CDHR2: variants seen among roughly 807,000 people sequenced by gnomAD.
CDHR2 encodes the protein cadherin related family member 2.
CDHR2 carries 104 observed loss-of-function variants against 138.6 expected under a neutral mutation model. The observed-to-expected ratio is 0.75, with a 90% CI of 0.64 to 0.88. The LOEUF is 0.88. Among genes scored for constraint, CDHR2 ranks in the 40% least tolerant of loss-of-function variants. The probability of loss-of-function intolerance (pLI) is 0.00; values close to 1 mark genes in which losing one functional copy is unlikely to be tolerated. For missense variants in CDHR2, 1,624 were observed against 1,727.6 expected (o/e 0.94, Z 1.06); for synonymous variants, 755 against 742.8 (o/e 1.02, Z -0.27).
At chr5:176,578,172 G>C in intron 15 of CDHR2, 77 bp downstream of exon 15, 1 of 1,411,414 alleles carries the variant, frequency 7.1e-7, no homozygotes, top group Non-Finnish European at 9.8e-7. Context: ...TGCAGAGATA[G>C]AATAGCTGGG....
intron 31 of CDHR2, 116 bp from the exon 32 acceptor site, chr5:176,595,416 G>A (rs959696124): frequency 1.3e-5 from 16 of 1,197,116 alleles, no homozygotes; most frequent in Middle Eastern, 2.9e-4. Context: ...GGGCAGGGTG[G>A]GACCCCTGCC....
chr5:176,566,397 C>A (rs1217481822), intron 3 of CDHR2, among the ~76,000 whole-genome samples: 1 of 152,154 alleles, frequency 6.6e-6, no homozygotes, highest in Non-Finnish European at 1.5e-5. Context: ...TTGGAAGGAG[C>A]CAGGGGGCCT....
chr5:176,552,828 A>G (rs1287312429), intron 1 of CDHR2, among the ~76,000 whole-genome samples: 3 of 152,214 alleles, frequency 2.0e-5, no homozygotes, highest in African/African-American at 7.2e-5. Flanking sequence ...TCTGCCGCTG[A>G]CAGCCTTGGA....
chr5:176,542,941 G>A (rs1757486267), intron 1 of CDHR2, among the ~76,000 whole-genome samples: 1 of 152,052 alleles, frequency 6.6e-6, no homozygotes, highest in Admixed American at 6.5e-5. Flanking sequence ...TCGCGGTGCC[G>A]GACGCCTGGG....
intron 1 of CDHR2, chr5:176,556,600 G>T (rs1757831342): frequency 6.6e-6 from 1 of 152,254 alleles, no homozygotes. Flanking sequence ...GGGAGGCGGA[G>T]CTTGCAGTGA....
rs201290215 is a variant in CDHR2, at chr5:176,576,178, C to T, written c.1187C>T (p.Pro396Leu). ...GACCTCACCATGGTGGTCTACGACC[C>T]GGACAAGGCAGGCGTGGTGGCGTGG... ...IDDLTMVVYD[P>L]DKGSNGTFLL... The change falls in exon 12 of 32, where the codon CCG (proline) becomes CTG (leucine). Residue 396 changes from proline (P) to leucine (L), a missense_variant. By Grantham distance (98) the Pro-to-Leu change is moderately conservative (BLOSUM62 -3). This residue lies in a region of CDHR2 where 1,061 missense variants were observed against 1,136.6 expected (regional missense o/e 0.93). Coordinates refer to ENST00000261944, the MANE Select transcript of CDHR2 (RefSeq NM_017675.6). This position sits in a 1 kb window ranked among gnomAD's most constrained non-coding sequence, Gnocchi z 4.5. 2.9e-5 allele frequency: 47 copies of T among 1,593,448 alleles called. No individual in the cohort carries two copies. Among genetic ancestry groups the T allele is most frequent in the East Asian group, 6.8e-5 (3 of 43,826 alleles).
chr5:176,565,636 GGTGTCCCGATGTTCCAGCACACT>G lies in CDHR2; in HGVS notation c.53-28_53-6del, dbSNP rs1256988967. ...GCAGGTAGGGATCGGGTTTTGCAGG[GGTGTCCCGATGTTCCAGCACACT>G]GTGTCCCTACAGTGGCAGCCAACGT... On this transcript the variant is annotated splice_polypyrimidine_tract_variant and intron_variant, in intron 2 of 31. Coordinates refer to ENST00000261944, the MANE Select transcript of CDHR2 (RefSeq NM_017675.6). 5.7e-6 allele frequency: 9 copies of G among 1,584,162 alleles called. No individual in the cohort carries two copies. The highest frequency in any genetic ancestry group is 2.7e-5 in the African/African-American group (2 of 74,232).
rs1011602553 is a variant in CDHR2, at chr5:176,543,479, G to C, written c.-16+710G>C. 1.3e-5 allele frequency: 2 copies of C among 152,082 alleles called. No homozygotes were observed. The highest frequency in any genetic ancestry group is 4.8e-5 in the African/African-American group (2 of 41,422). 9.4% of individuals were successfully genotyped at this position (152,082 alleles called of 1,614,324 possible). On this transcript the variant is annotated intron_variant, in intron 1 of 31. Coordinates refer to the CDHR2 transcript ENST00000510636. This position sits in a 1 kb window ranked among gnomAD's most constrained non-coding sequence, Gnocchi z 4.0. Reference sequence around the variant, plus strand: ...CCCGCCCCGGCCCCGCGCGAATGGAGCTGCCTGGACCGCACCACGCGTGCG... The same window carrying C: ...CCCGCCCCGGCCCCGCGCGAATGGACCTGCCTGGACCGCACCACGCGTGCG...
Position 176,584,276 on chromosome 5 carries a change from C to A in CDHR2, c.2128+17C>A, listed in dbSNP as rs745877505. On this transcript the variant is annotated intron_variant, in intron 18 of 31. Transcript: ENST00000261944. ...AGGATCCAGGTATGTGCTCCCTGGG[C>A]CAGGAGAGACACTGCGGCTGGGACC... The A allele has an allele frequency of 1.4e-4, 225 of 1,612,942 alleles. No homozygotes were observed. The highest frequency in any genetic ancestry group is 4.9e-4 in the Middle Eastern group (3 of 6,084).
At position 176,586,822 on chromosome 5, in the gene CDHR2, C is replaced by A. The variant is rs116138699; in HGVS notation, c.2836C>A (p.Arg946=). ...VIIPELVLPN[R]EVASVRARDD... ...CATCCCTGAACTCGTGCTGCCCAAC[C>A]GGGAGGTGGCTTCTGTCCGGGTAAG... The change falls in exon 21 of 32, where the codon CGG becomes AGG. Residue 946 remains arginine (R), a synonymous_variant. Coordinates refer to ENST00000261944, the MANE Select transcript of CDHR2 (RefSeq NM_017675.6). 1.6e-5 allele frequency: 26 copies of A among 1,609,942 alleles called. No homozygotes were observed. In the African/African-American group the frequency reaches 3.2e-4, roughly 20 times the overall value.
At position 176,594,738 on chromosome 5, in the gene CDHR2, C is replaced by T. The variant is rs571133229; in HGVS notation, c.3793-794C>T. Among the ~76,000 whole-genome samples the T allele has an allele frequency of 3.9e-5, 6 of 152,332 alleles. No homozygotes were observed. The South Asian group carries it at 1.2e-3, about 32-fold the overall frequency. On this transcript the variant is annotated intron_variant, in intron 31 of 31. Transcript: ENST00000261944. ...GAACAGCCCCAGTCTGGAAAAAGCCCTTGGAGTGCCCTGGGGAGGGCGGTG... is the reference window on the plus strand; with the variant it reads ...GAACAGCCCCAGTCTGGAAAAAGCCTTTGGAGTGCCCTGGGGAGGGCGGTG...
At chr5:176,571,618 G>C (rs1758233507) in intron 6 of CDHR2, among the ~76,000 whole-genome samples, 1 of 151,940 alleles carries the variant, frequency 6.6e-6, no homozygotes, top group Non-Finnish European at 1.5e-5. Flanking sequence ...CTCACTGCAA[G>C]CTCCGCCTCC....
intron 3 of CDHR2, 124 bp downstream of exon 3, chr5:176,565,867 GA>G (rs1758067678): frequency 4.3e-6 from 3 of 691,362 alleles, no homozygotes; most frequent in South Asian, 3.6e-5. Flanking sequence ...AAGAGGGACT[GA>G]AGGGAGCTCC....
chr5:176,586,906 T>G, intron 21 of CDHR2, 64 bp downstream of exon 21: 1 of 1,393,140 alleles, frequency 7.2e-7, no homozygotes, highest in Non-Finnish European at 1.0e-6. Flanking sequence ...GCTGAGGCCT[T>G]CAGGCCTTCC....
intron 19 of CDHR2, 24 bp downstream of exon 19, chr5:176,585,039 G>C: frequency 6.5e-7 from 1 of 1,528,762 alleles, no homozygotes; most frequent in Non-Finnish European, 8.8e-7. Flanking sequence ...TCCTTGCAGG[G>C]CTTGGCAGGC....
Position 176,577,771 on chromosome 5 carries a change from C to T in CDHR2, c.1485C>T (p.Thr495=), listed in dbSNP as rs371081759. 1.7e-5 allele frequency: 28 copies of T among 1,614,044 alleles called. No individual in the cohort carries two copies. Among genetic ancestry groups the T allele is most frequent in the African/African-American group, 9.3e-5 (7 of 74,930 alleles). Residue 495 remains threonine (T), a synonymous_variant, in exon 14 of 32, where the codon ACC becomes ACT. Coordinates refer to ENST00000261944, the MANE Select transcript of CDHR2 (RefSeq NM_017675.6). ...TCACGGTGCCAGAGCACAGCGCCACCGGCTCTGTGGTCACCGACAGCATCC... is the reference window on the plus strand; with the variant it reads ...TCACGGTGCCAGAGCACAGCGCCACTGGCTCTGTGGTCACCGACAGCATCC... The part of the protein sequence containing the change: ...YVLTVPEHSA[T]GSVVTDSIHA...
rs766088692 is a variant in CDHR2, at chr5:176,565,713, T to C, written c.94T>C (p.Ser32Pro). The C allele has an allele frequency of 1.2e-6, 2 of 1,613,948 alleles. No individual in the cohort carries two copies. The highest frequency in any genetic ancestry group is 1.1e-5 in the South Asian group (1 of 91,050). Residue 32 changes from serine to proline, a missense_variant, in exon 3 of 32, where the codon TCA becomes CCA. This residue lies in a region of CDHR2 where 1,061 missense variants were observed against 1,136.6 expected (regional missense o/e 0.93). Coordinates refer to ENST00000261944, the MANE Select transcript of CDHR2 (RefSeq NM_017675.6). Reference protein sequence around the residue: ...VAPKFLANMTSVILPEDLPVG... With the variant: ...VAPKFLANMTPVILPEDLPVG... ...CCCGAAGTTCCTAGCCAACATGACG[T>C]CAGTGATCCTGCCTGAGGACCTGCC...
chr5:176,571,933 C>T (rs548186521), intron 6 of CDHR2, among the ~76,000 whole-genome samples: 3 of 152,108 alleles, frequency 2.0e-5, no homozygotes, highest in Non-Finnish European at 4.4e-5. Flanking sequence ...CAAATCATAT[C>T]GTGAAATTTG....
At chr5:176,584,052 T>C in intron 17 of CDHR2, 138 bp from the exon 18 acceptor site, 2 of 732,904 alleles carry the variant, frequency 2.7e-6, no homozygotes, top group East Asian at 5.4e-5. Context: ...GCCTGTCTCC[T>C]CATCTGGGAA....
Sources: gnomAD v4.1 joint callset for allele counts (sites outside exome capture counted in the v4.1 genomes callset) on GRCh38, gnomAD v4.1.1 for gene constraint, gnomAD v4.1.1 regional missense constraint, Gnocchi (gnomAD v3.1) non-coding constraint, MANE v1.5 for transcripts, NCBI Gene and HGNC (gene_info 2026-07-23, HGNC 2026-07-21) for gene names.